PLPPR1: variants seen among roughly 807,000 people sequenced by gnomAD.
PLPPR1 encodes phospholipid phosphatase related 1, also known as phospholipid phosphatase-related protein type 1.
In PLPPR1, 10 loss-of-function variants were observed where a neutral mutation model predicts 33.1. The ratio of observed to expected loss-of-function variants is 0.30; its 90% CI spans 0.19 to 0.51. The LOEUF is 0.51. Ranked by LOEUF, PLPPR1 falls within the 20% of genes least tolerant of loss-of-function variation. The pLI, the probability that PLPPR1 is intolerant of heterozygous loss-of-function variation, is 0.97. For synonymous variants in PLPPR1, 151 were observed against 151.0 expected, an observed-to-expected ratio of 1.00 and a Z score of 0.00; for missense variants, 304 against 408.1, an observed-to-expected ratio of 0.74 and a Z score of 2.20.
At chr9:101,316,580 T>A (rs540501729) in intron 6 of PLPPR1, among the ~76,000 whole-genome samples, 1 of 136,966 alleles carries the variant, frequency 7.3e-6, no homozygotes, top group Non-Finnish European at 1.5e-5. Flanking sequence ...AAAGAAAGTA[T>A]GGAAAGAGGC....
chr9:101,162,592 G>A (rs537573090), intron 1 of PLPPR1, among the ~76,000 whole-genome samples: 2 of 152,142 alleles, frequency 1.3e-5, no homozygotes, highest in Non-Finnish European at 2.9e-5. Context: ...AGGCTTCTTA[G>A]CTTGATGGGC....
At chr9:101,087,446 G>A (rs908794274) in intron 1 of PLPPR1, among the ~76,000 whole-genome samples, 1 of 152,124 alleles carries the variant, frequency 6.6e-6, no homozygotes, top group Admixed American at 6.5e-5. Flanking sequence ...ATCATGAGAA[G>A]AAAAGAACGA....
chr9:101,053,987 C>T (rs1830252718), intron 1 of PLPPR1, among the ~76,000 whole-genome samples: 1 of 151,996 alleles, frequency 6.6e-6, no homozygotes, highest in African/African-American at 2.4e-5. Flanking sequence ...AGTTTGAGAC[C>T]AGCCTGGCCA....
chr9:101,114,721 C>G (rs1831098722), intron 1 of PLPPR1, among the ~76,000 whole-genome samples: 1 of 152,162 alleles, frequency 6.6e-6, no homozygotes. Context: ...GGGACAGATG[C>G]TCTTAACAAT....
At chr9:101,176,286 A>G (rs1826018619) in intron 1 of PLPPR1, among the ~76,000 whole-genome samples, 1 of 152,184 alleles carries the variant, frequency 6.6e-6, no homozygotes. Context: ...GAGGGTCCCA[A>G]AACTCTTGCT....
At chr9:101,032,628 A>G (rs1829959610) in intron 1 of PLPPR1, among the ~76,000 whole-genome samples, 1 of 152,036 alleles carries the variant, frequency 6.6e-6, no homozygotes, top group Non-Finnish European at 1.5e-5. Context: ...TGAATGAATC[A>G]TTAAATAAAT....
intron 3 of PLPPR1, among the ~76,000 whole-genome samples, chr9:101,280,756 T>C (rs562990759): frequency 6.6e-6 from 1 of 152,240 alleles, no homozygotes; most frequent in African/African-American, 2.4e-5. Flanking sequence ...AAACGGAGTA[T>C]AGAAGGAACA....
chr9:101,308,648 AT>A (rs988968388), intron 4 of PLPPR1, among the ~76,000 whole-genome samples: 8 of 151,954 alleles, frequency 5.3e-5, no homozygotes, highest in Admixed American at 1.3e-4. Context: ...TTCTAGAATA[AT>A]TTTTTTAAAA....
chr9:101,288,794 A>G (rs1410332268), intron 4 of PLPPR1, among the ~76,000 whole-genome samples: 1 of 152,212 alleles, frequency 6.6e-6, no homozygotes, highest in Non-Finnish European at 1.5e-5. Context: ...TGATGCATGG[A>G]AAGTTTGAGA....
Position 101,241,832 on chromosome 9 carries a change from A to G in PLPPR1, c.64-28048A>G, listed in dbSNP as rs372014877. 5.5e-4 allele frequency among the ~76,000 whole-genome samples: 83 copies of G among 152,182 alleles called. No homozygotes were observed. The South Asian group carries it at 8.7e-3, about 16-fold the overall frequency. On this transcript the variant is annotated intron_variant, in intron 2 of 7. Coordinates refer to ENST00000374874, the MANE Select transcript of PLPPR1 (RefSeq NM_207299.2). Reference sequence around the variant, plus strand: ...CACAACGGTTTATCGTTACCAAATCAATCAATCAACATTTGTAGTGGTTGC... The same window carrying G: ...CACAACGGTTTATCGTTACCAAATCGATCAATCAACATTTGTAGTGGTTGC...
At chr9:101,180,092 CTTTA>C (rs1467360676) in intron 1 of PLPPR1, among the ~76,000 whole-genome samples, 5 of 59,746 alleles carry the variant, frequency 8.4e-5, no homozygotes, top group East Asian at 1.1e-3. Context: ...ATAAACTCTC[CTTTA>C]TATATATATA....
At chr9:101,144,910 T>G (rs1040424223) in intron 1 of PLPPR1, among the ~76,000 whole-genome samples, 7 of 152,216 alleles carry the variant, frequency 4.6e-5, no homozygotes, top group Admixed American at 3.9e-4. Flanking sequence ...ACTTTCAACA[T>G]GCCAAATACT....
intron 4 of PLPPR1, among the ~76,000 whole-genome samples, chr9:101,297,912 G>A (rs549636319): frequency 6.6e-6 from 1 of 152,202 alleles, no homozygotes; most frequent in Non-Finnish European, 1.5e-5. Flanking sequence ...CAGTGGCAAT[G>A]ACTAAGTAAG....
intron 2 of PLPPR1, among the ~76,000 whole-genome samples, chr9:101,211,789 A>G (rs545800454): frequency 6.6e-6 from 1 of 152,342 alleles, no homozygotes; most frequent in East Asian, 1.9e-4. Flanking sequence ...TGGATCTTTC[A>G]TTTATAAATG....
At chr9:101,295,246 G>A (rs1336446866) in intron 4 of PLPPR1, among the ~76,000 whole-genome samples, 7 of 151,850 alleles carry the variant, frequency 4.6e-5, no homozygotes, top group Non-Finnish European at 1.0e-4. Flanking sequence ...ACTTACAAGG[G>A]ACGTGAAGGA....
intron 2 of PLPPR1, among the ~76,000 whole-genome samples, chr9:101,210,011 C>T (rs374991900): frequency 3.3e-5 from 5 of 152,316 alleles, no homozygotes; most frequent in Admixed American, 6.5e-5. Flanking sequence ...GGATTACTTT[C>T]ATAACCTTGT....
chr9:101,087,358 T>C (rs975168169), intron 1 of PLPPR1, among the ~76,000 whole-genome samples: 3 of 152,224 alleles, frequency 2.0e-5, no homozygotes, highest in Non-Finnish European at 2.9e-5. Flanking sequence ...TGTTTATTTA[T>C]TCTGCTAGTC....
intron 7 of PLPPR1, among the ~76,000 whole-genome samples, chr9:101,318,801 A>G (rs938364888): frequency 1.3e-5 from 2 of 152,002 alleles, no homozygotes; most frequent in Non-Finnish European, 2.9e-5. Context: ...AACAAACAAA[A>G]AAAACACTGA....
Position 101,324,183 on chromosome 9 carries a change from T to C in PLPPR1, c.*126T>C, listed in dbSNP as rs975032561. 16 of 771,984 alleles carry C rather than the reference T, an allele frequency of 2.1e-5. No individual in the cohort carries two copies. The highest frequency in any genetic ancestry group is 3.2e-5 in the Non-Finnish European group (16 of 494,906). 47.8% of individuals were successfully genotyped at this position (771,984 alleles called of 1,614,324 possible). ...GTTTATCTAGTTAGAAGCTAATGTT[T>C]TGTACATTTTTTGTATGAGGAAGTG... On this transcript the variant is annotated 3_prime_UTR_variant, in exon 8 of 8. Coordinates refer to ENST00000374874, the MANE Select transcript of PLPPR1 (RefSeq NM_207299.2).
Sources: gnomAD v4.1 joint callset for allele counts (sites outside exome capture counted in the v4.1 genomes callset) on GRCh38, gnomAD v4.1.1 for gene constraint, MANE v1.5 for transcripts, NCBI Gene and HGNC (gene_info 2026-07-23, HGNC 2026-07-21) for gene names.